Variants in SCGN observed in about 807,000 individuals in gnomAD.
The protein encoded by SCGN is secretagogin.
Under a neutral mutation model 39.7 loss-of-function variants are expected in SCGN, and 30 were observed. The observed-to-expected ratio is 0.76, with a 90% CI of 0.57 to 1.03. SCGN has a LOEUF of 1.03. SCGN is among the 50% of genes least tolerant of loss of function. The pLI is 0.00. For missense variants in SCGN, 353 were observed against 349.4 expected (o/e 1.01, Z -0.08); for synonymous variants, 106 against 114.1 (o/e 0.93, Z 0.45).
Position 25,661,630 on chromosome 6 carries a change from A to T in SCGN, c.232A>T (p.Ile78Phe), listed in dbSNP as rs1337491414. ...CCAAGATGCCTCTAAAGATGGTCGCATTCGGATGAAAGAGGTAACTTTACT... is the reference window on the plus strand; with the variant it reads ...CCAAGATGCCTCTAAAGATGGTCGCTTTCGGATGAAAGAGGTAACTTTACT... ...TTQDASKDGRIRMKELAGMFL... is the reference protein window; with the variant it reads ...TTQDASKDGRFRMKELAGMFL... Residue 78 changes from isoleucine to phenylalanine, a missense_variant, in exon 3 of 11, where the codon ATT becomes TTT. By Grantham distance (21) the Ile-to-Phe change is conservative. Transcript: ENST00000377961. 4.3e-6 allele frequency: 7 copies of T among 1,612,176 alleles called. No homozygotes were observed. Among genetic ancestry groups the T allele is most frequent in the African/African-American group, 4.0e-5 (3 of 75,006 alleles).
chr6:25,668,217 GAA>G (rs57628790), intron 4 of SCGN, among the ~76,000 whole-genome samples: 3,455 of 146,760 alleles, frequency 0.024, 50 homozygotes, highest in African/African-American at 0.045. Flanking sequence ...ATCTGTCAGT[GAA>G]AAAAAAAAAA....
chr6:25,691,294 T>G (rs1759770942), intron 10 of SCGN, among the ~76,000 whole-genome samples, 170 bp downstream of exon 10: 1 of 152,230 alleles, frequency 6.6e-6, no homozygotes, highest in South Asian at 2.1e-4. Flanking sequence ...CTCCCTCGCT[T>G]TCTTAAGATT....
Position 25,681,965 on chromosome 6 carries a change from C to G in SCGN, c.486C>G (p.Asp162Glu). ...CTGCATTTCAGATGAAGATTTTTGACAGAAATAAAGATGGTCGGTTGGATC... is the reference window on the plus strand; with the variant it reads ...CTGCATTTCAGATGAAGATTTTTGAGAGAAATAAAGATGGTCGGTTGGATC... ...EYTGTMMKIF[D>E]RNKDGRLDLN... Residue 162 changes from aspartate (D) to glutamate (E), a missense_variant, in exon 7 of 11, where the codon GAC becomes GAG. Transcript: ENST00000377961. The G allele has an allele frequency of 6.2e-7, 1 of 1,613,360 alleles. No homozygotes were observed. Among genetic ancestry groups the G allele is most frequent in the East Asian group, 2.2e-5 (1 of 44,870 alleles).
chr6:25,682,177 C>G (rs1346256121), intron 7 of SCGN, among the ~76,000 whole-genome samples, 171 bp downstream of exon 7: 1 of 152,168 alleles, frequency 6.6e-6, no homozygotes, highest in Admixed American at 6.5e-5. Flanking sequence ...TAACAGATCC[C>G]TTTGTGAAGA....
At position 25,701,559 on chromosome 6, in the gene SCGN, C is replaced by A; in HGVS notation, c.*224C>A. 1 of 408,770 alleles carries A rather than the reference C, an allele frequency of 2.4e-6. No homozygotes were observed. The highest frequency in any genetic ancestry group is 4.2e-6 in the Non-Finnish European group (1 of 235,442). The allele number at this position is 408,770 out of a possible 1,614,324, so 25.3% of individuals were successfully genotyped here. ...TGTGTTGTTTTCCCTTGACCCTGGG[C>A]TTTCCTATCCTCCCAAAGACTCAGC... On this transcript the variant is annotated 3_prime_UTR_variant, in exon 11 of 11. Coordinates refer to ENST00000377961, the MANE Select transcript of SCGN (RefSeq NM_006998.4).
At chr6:25,680,041 A>T (rs973113358) in intron 6 of SCGN, among the ~76,000 whole-genome samples, 10 of 126,594 alleles carry the variant, frequency 7.9e-5, no homozygotes, top group African/African-American at 2.3e-4. Flanking sequence ...TTCCTTATTT[A>T]TTACAAACGC....
In SCGN at chr6:25,689,183, T is replaced by C; in HGVS notation, c.539T>C (p.Leu180Pro). The change falls in exon 8 of 11, where the codon CTT (leucine) becomes CCT (proline). Residue 180 changes from leucine to proline, a missense_variant. Leu to Pro is a moderately conservative substitution (Grantham distance 98). Transcript: ENST00000377961. ...TTTTTTCTATTTAGGATTCTGGCTC[T>C]TCAGGAAAACTTCCTTCTCCAATTT... ...DLNDLARILALQENFLLQFKM... is the reference protein window; with the variant it reads ...DLNDLARILAPQENFLLQFKM... 1.3e-6 allele frequency: 2 copies of C among 1,596,598 alleles called. No homozygotes were observed. The highest frequency in any genetic ancestry group is 1.7e-6 in the Non-Finnish European group (2 of 1,169,650).
chr6:25,668,636 AT>A (rs1759433107), intron 4 of SCGN, among the ~76,000 whole-genome samples: 2 of 152,188 alleles, frequency 1.3e-5, no homozygotes, highest in African/African-American at 2.4e-5. Context: ...CCCATGATTT[AT>A]TCCCTGTCTA....
intron 4 of SCGN, among the ~76,000 whole-genome samples, chr6:25,666,973 G>C (rs1228232348): frequency 6.6e-6 from 1 of 152,026 alleles, no homozygotes; most frequent in Non-Finnish European, 1.5e-5. Flanking sequence ...ATAACAAATA[G>C]ACTGCCCAAG....
chr6:25,684,103 T>C (rs1220549681), intron 7 of SCGN, among the ~76,000 whole-genome samples: 1 of 152,186 alleles, frequency 6.6e-6, no homozygotes, highest in Admixed American at 6.5e-5. Context: ...TGATAACTAA[T>C]AGGGCCTTCT....
chr6:25,684,855 C>T (rs1268190092), intron 7 of SCGN, among the ~76,000 whole-genome samples: 1 of 152,114 alleles, frequency 6.6e-6, no homozygotes, highest in African/African-American at 2.4e-5. Context: ...ATATCCAGAA[C>T]TGGTGACTAT....
At chr6:25,684,955 A>G (rs1759685696) in intron 7 of SCGN, among the ~76,000 whole-genome samples, 1 of 152,232 alleles carries the variant, frequency 6.6e-6, no homozygotes, top group Non-Finnish European at 1.5e-5. Flanking sequence ...ATTCTGGATT[A>G]TCCACATTGG....
intron 2 of SCGN, among the ~76,000 whole-genome samples, chr6:25,656,385 G>A (rs1760227143): frequency 6.6e-6 from 1 of 152,192 alleles, no homozygotes; most frequent in African/African-American, 2.4e-5. Context: ...CTAACAGCAA[G>A]CTGCCTGCTA....
chr6:25,666,675 T>A (rs901961584), intron 4 of SCGN, among the ~76,000 whole-genome samples: 28 of 152,124 alleles, frequency 1.8e-4, no homozygotes, highest in Admixed American at 2.0e-4. Context: ...TTTAATGACA[T>A]GAAGGAAATG....
At chr6:25,688,801 C>CAAAACAAAAA (rs1759738239) in intron 7 of SCGN, among the ~76,000 whole-genome samples, 3 of 103,112 alleles carry the variant, frequency 2.9e-5, no homozygotes, top group African/African-American at 1.1e-4. Flanking sequence ...GATTCTGTCT[C>CAAAACAAAAA]AAAAAAAAAA....
chr6:25,664,808 C>A, intron 3 of SCGN, 135 bp from the exon 4 acceptor site: 1 of 599,314 alleles, frequency 1.7e-6, no homozygotes, highest in South Asian at 2.1e-5. Context: ...CACAGAACTG[C>A]AAACCGAGCT....
At chr6:25,663,849 C>A (rs544178453) in intron 3 of SCGN, among the ~76,000 whole-genome samples, 3 of 152,288 alleles carry the variant, frequency 2.0e-5, no homozygotes, top group African/African-American at 7.2e-5. Context: ...TGTCCTTGAG[C>A]TGACCCATAT....
intron 10 of SCGN, among the ~76,000 whole-genome samples, chr6:25,696,827 T>C (rs964906718): frequency 9.8e-5 from 15 of 152,340 alleles, no homozygotes; most frequent in Admixed American, 3.9e-4. Flanking sequence ...ATATATACTA[T>C]ATGTTTTCGC....
chr6:25,695,335 T>C (rs1759825179), intron 10 of SCGN, among the ~76,000 whole-genome samples: 1 of 152,208 alleles, frequency 6.6e-6, no homozygotes, highest in African/African-American at 2.4e-5. Flanking sequence ...ACCATCATCA[T>C]GATCAATGAC....
Sources: gnomAD v4.1 joint callset for allele counts (sites outside exome capture counted in the v4.1 genomes callset) on GRCh38, gnomAD v4.1.1 for gene constraint, MANE v1.5 for transcripts, NCBI Gene and HGNC (gene_info 2026-07-23, HGNC 2026-07-21) for gene names.